KLF7: variants seen among roughly 807,000 people sequenced by gnomAD.
KLF7 encodes Krueppel-like factor 7.
KLF7 carries 2 observed loss-of-function variants against 27.3 expected under a neutral mutation model. That is an observed-to-expected ratio of 0.07 (90% CI 0.03 to 0.23). The LOEUF (loss-of-function observed/expected upper bound fraction) is 0.23. KLF7 is among the 10% of genes least tolerant of loss of function. The pLI, the probability that KLF7 is intolerant of heterozygous loss-of-function variation, is 1.00. For missense variants in KLF7, 221 were observed against 394.1 expected, an observed-to-expected ratio of 0.56 and a Z score of 3.72; for synonymous variants, 165 against 162.4, an observed-to-expected ratio of 1.02 and a Z score of -0.12.
At chr2:207,136,162 G>T (rs1454682236) in intron 1 of KLF7, among the ~76,000 whole-genome samples, 1 of 152,100 alleles carries the variant, frequency 6.6e-6, no homozygotes, top group Non-Finnish European at 1.5e-5. Flanking sequence ...TCTGAGTAGA[G>T]AATTCACTTC....
upstream of KLF7, chr2:207,166,742 G>A: frequency 2.1e-6 from 2 of 957,466 alleles, no homozygotes. Flanking sequence ...CGGTGCCGGG[G>A]AGGTCCTCAC....
At position 207,147,012 on chromosome 2, in the gene KLF7, C is replaced by T. The variant is rs189126056; in HGVS notation, c.102+18455G>A. ...GTATGGGGAAGCTAAATTGAGACTG[C>T]ACTTGCCAATTGGGTATAAATCCAG... On this transcript the variant is annotated intron_variant, in intron 1 of 3. Transcript: ENST00000309446. Among the ~76,000 whole-genome samples, 5 of 152,286 alleles carry T rather than the reference C, an allele frequency of 3.3e-5. No individual in the cohort carries two copies. In the East Asian group the frequency reaches 9.7e-4, roughly 29 times the overall value.
At position 207,151,990 on chromosome 2, in the gene KLF7, T is replaced by C. The variant is rs537910395; in HGVS notation, c.102+13477A>G. Reference sequence around the variant, plus strand: ...ACACTTTTTAAAAACACCCCTAATGTAGAATAGCATCCTAAAAGCATTAGA... The same window carrying C: ...ACACTTTTTAAAAACACCCCTAATGCAGAATAGCATCCTAAAAGCATTAGA... On this transcript the variant is annotated intron_variant, in intron 1 of 3. Coordinates refer to ENST00000309446, the MANE Select transcript of KLF7 (RefSeq NM_003709.4). Among the ~76,000 whole-genome samples, 113 of 152,260 alleles carry C rather than the reference T, an allele frequency of 7.4e-4. No homozygotes were observed. In the Middle Eastern group the frequency reaches 0.01, roughly 14 times the overall value.
chr2:207,157,956 T>A (rs2106129885), intron 1 of KLF7, among the ~76,000 whole-genome samples: 1 of 152,290 alleles, frequency 6.6e-6, no homozygotes, highest in East Asian at 1.9e-4. Context: ...GTTTAGGACA[T>A]ATTCAGCTGA....
At chr2:207,140,868 G>A (rs1415581436) in intron 1 of KLF7, among the ~76,000 whole-genome samples, 3 of 152,138 alleles carry the variant, frequency 2.0e-5, no homozygotes, top group African/African-American at 7.2e-5. Flanking sequence ...AAGGGTACCT[G>A]ATCCGTCTTG....
upstream of KLF7, chr2:207,167,267 T>C (rs886853359): frequency 1.0e-5 from 9 of 881,866 alleles, no homozygotes; most frequent in African/African-American, 1.4e-4. Context: ...CCCTGCACAA[T>C]TCACGTTAGG....
chr2:207,139,723 G>GAC (rs2077886784), intron 1 of KLF7, among the ~76,000 whole-genome samples: 1 of 152,260 alleles, frequency 6.6e-6, no homozygotes, highest in Middle Eastern at 3.4e-3. Flanking sequence ...TCTTGGTTTT[G>GAC]ACAACACCCT....
intron 1 of KLF7, among the ~76,000 whole-genome samples, chr2:207,158,582 T>C (rs2078454341): frequency 6.6e-6 from 1 of 152,182 alleles, no homozygotes; most frequent in Admixed American, 6.5e-5. Flanking sequence ...ACACCCTTCA[T>C]ACTCCCACTC....
rs191747397 is a variant in KLF7 at position 207,117,041 on chromosome 2, A to G, written c.733+6733T>C. ...AAATATTGTTTATGATGAAATACTC[A>G]TTAATTTCATGCTTTTCTTTCTCCT... On this transcript the variant is annotated intron_variant, in intron 2 of 3. Coordinates refer to ENST00000309446, the MANE Select transcript of KLF7 (RefSeq NM_003709.4). Among the ~76,000 whole-genome samples the G allele has an allele frequency of 2.6e-3, 397 of 152,242 alleles. 2 individuals are homozygous for G. Among genetic ancestry groups the G allele is most frequent in the Non-Finnish European group, 4.1e-3 (282 of 68,034 alleles).
At chr2:207,094,068 T>G (rs1001947156) in intron 2 of KLF7, among the ~76,000 whole-genome samples, 5 of 152,256 alleles carry the variant, frequency 3.3e-5, no homozygotes, top group Non-Finnish European at 5.9e-5. Flanking sequence ...GAAACTCATT[T>G]GTAATGTTTA....
At chr2:207,085,013 T>C (rs1169414972) in intron 3 of KLF7, among the ~76,000 whole-genome samples, 1 of 151,476 alleles carries the variant, frequency 6.6e-6, no homozygotes, top group Non-Finnish European at 1.5e-5. Flanking sequence ...AACTACAAAA[T>C]TAGCCAGGCA....
intron 1 of KLF7, among the ~76,000 whole-genome samples, chr2:207,140,660 C>T (rs2077914876): frequency 6.6e-6 from 1 of 152,142 alleles, no homozygotes; most frequent in Non-Finnish European, 1.5e-5. Flanking sequence ...AGCAGATCAC[C>T]TCAAGGGCAC....
intron 2 of KLF7, among the ~76,000 whole-genome samples, chr2:207,099,081 C>G (rs1170861590): frequency 6.6e-6 from 1 of 152,092 alleles, no homozygotes; most frequent in African/African-American, 2.4e-5. Context: ...AGTAAACCAA[C>G]AGAGAAAAGG....
At chr2:207,145,058 TG>T (rs1172799772) in intron 1 of KLF7, among the ~76,000 whole-genome samples, 1 of 152,224 alleles carries the variant, frequency 6.6e-6, no homozygotes, top group Non-Finnish European at 1.5e-5. Flanking sequence ...CAGTCCGTTC[TG>T]GGGCAGAACT....
intron 1 of KLF7, chr2:207,148,897 A>C: frequency 1.7e-5 from 8 of 463,704 alleles, no homozygotes; most frequent in Non-Finnish European, 2.4e-5. Flanking sequence ...GGGGGCAGGG[A>C]TCTCCTATCA....
chr2:207,149,910 TAGGTAAGTCCAGGACTTCCTATCC>T (rs1378899313), intron 1 of KLF7, among the ~76,000 whole-genome samples: 3 of 152,212 alleles, frequency 2.0e-5, no homozygotes, highest in African/African-American at 4.8e-5. Flanking sequence ...CGTAGACATA[TAGGTAAGTCCAGGACTTCCTATCC>T]AGGTAAGTCC....
At chr2:207,169,412 G>A (rs1194392170), upstream of KLF7, among the ~76,000 whole-genome samples, 1 of 152,162 alleles carries the variant, frequency 6.6e-6, no homozygotes, top group East Asian at 1.9e-4. Context: ...TATTATCCCA[G>A]TGTGATTAGT....
chr2:207,087,207 TC>T (rs2105867057), intron 3 of KLF7, among the ~76,000 whole-genome samples: 1 of 152,222 alleles, frequency 6.6e-6, no homozygotes. Context: ...AAAGTACACT[TC>T]CTCAGCCCTG....
chr2:207,105,135 C>T (rs551297073), intron 2 of KLF7, among the ~76,000 whole-genome samples: 3 of 152,302 alleles, frequency 2.0e-5, no homozygotes, highest in Admixed American at 6.5e-5. Flanking sequence ...ATCGGTGTCA[C>T]TTAACAAGTT....
Sources: gnomAD v4.1 joint callset for allele counts (sites outside exome capture counted in the v4.1 genomes callset) on GRCh38, gnomAD v4.1.1 for gene constraint, MANE v1.5 for transcripts, NCBI Gene and HGNC (gene_info 2026-07-23, HGNC 2026-07-21) for gene names.